The following GNA14 variants were observed in gnomAD, a reference collection of about 807,000 sequenced individuals.
The protein encoded by GNA14 is G protein subunit alpha 14, also known as guanine nucleotide-binding protein subunit alpha-14.
In GNA14, 50 loss-of-function variants were observed where a neutral mutation model predicts 42.0. The observed-to-expected ratio is 1.19, with a 90% CI of 0.95 to 1.51. The LOEUF is 1.51. Among genes scored for constraint, GNA14 ranks in the 40% most tolerant of loss-of-function variants. The pLI is 0.00. For missense variants in GNA14, 473 were observed against 446.2 expected (o/e 1.06, Z -0.54); for synonymous variants, 173 against 163.1 (o/e 1.06, Z -0.46).
At chr9:77,437,125 T>C (rs761419846) in intron 2 of GNA14, among the ~76,000 whole-genome samples, 69 of 152,214 alleles carry the variant, frequency 4.5e-4, no homozygotes, top group Non-Finnish European at 7.8e-4. Context: ...ACGGCTGAGC[T>C]TTAGTGCTGC....
At chr9:77,638,316 T>A (rs546943071) in intron 1 of GNA14, among the ~76,000 whole-genome samples, 4 of 152,266 alleles carry the variant, frequency 2.6e-5, no homozygotes, top group Admixed American at 2.0e-4. Flanking sequence ...CAAATAAGAA[T>A]ATCAGGTCAA....
intron 2 of GNA14, among the ~76,000 whole-genome samples, chr9:77,450,380 A>G (rs1235630054): frequency 1.3e-5 from 2 of 152,096 alleles, no homozygotes; most frequent in East Asian, 1.9e-4. Flanking sequence ...ATCTTCATCC[A>G]TCTCCCTCTG....
intron 4 of GNA14, among the ~76,000 whole-genome samples, chr9:77,429,728 G>T (rs1020013195): frequency 2.6e-5 from 4 of 152,228 alleles, no homozygotes; most frequent in Admixed American, 2.0e-4. Flanking sequence ...CTACAGGGAA[G>T]CCTGCCGCGT....
intron 1 of GNA14, among the ~76,000 whole-genome samples, chr9:77,628,588 T>A (rs1466366632): frequency 6.6e-6 from 1 of 151,870 alleles, no homozygotes; most frequent in Non-Finnish European, 1.5e-5. Context: ...ACACTACACA[T>A]CTAGAGCCAT....
chr9:77,512,382 TTA>T (rs1397855331), intron 2 of GNA14, among the ~76,000 whole-genome samples: 2 of 152,182 alleles, frequency 1.3e-5, no homozygotes, highest in Non-Finnish European at 2.9e-5. Flanking sequence ...TTTGGGTTTT[TTA>T]TGTTTAATGT....
intron 1 of GNA14, among the ~76,000 whole-genome samples, chr9:77,642,119 C>A (rs1191558189): frequency 6.6e-6 from 1 of 152,224 alleles, no homozygotes; most frequent in African/African-American, 2.4e-5. Context: ...TGTGATCATA[C>A]ATTTGTCAAA....
chr9:77,608,587 C>G (rs1466950031), intron 1 of GNA14, among the ~76,000 whole-genome samples: 1 of 152,124 alleles, frequency 6.6e-6, no homozygotes, highest in Non-Finnish European at 1.5e-5. Flanking sequence ...CAGCCCTGCC[C>G]CCTTGACCTG....
At chr9:77,531,580 C>T (rs1047813488) in intron 1 of GNA14, among the ~76,000 whole-genome samples, 1 of 152,100 alleles carries the variant, frequency 6.6e-6, no homozygotes, top group African/African-American at 2.4e-5. Flanking sequence ...TTACCCCAAG[C>T]GAACATTAAT....
At chr9:77,481,983 TG>T (rs1400181831) in intron 2 of GNA14, among the ~76,000 whole-genome samples, 3 of 152,348 alleles carry the variant, frequency 2.0e-5, no homozygotes, top group Middle Eastern at 3.4e-3. Flanking sequence ...AGCACACTGA[TG>T]GGTCTTGACT....
intron 1 of GNA14, among the ~76,000 whole-genome samples, chr9:77,598,049 A>G (rs992151800): frequency 6.6e-6 from 1 of 152,176 alleles, no homozygotes; most frequent in African/African-American, 2.4e-5. Flanking sequence ...AAAAACAACA[A>G]CAGAAAAAGC....
chr9:77,433,870 A>G (rs1251765675), intron 3 of GNA14, among the ~76,000 whole-genome samples: 1 of 152,184 alleles, frequency 6.6e-6, no homozygotes, highest in African/African-American at 2.4e-5. Flanking sequence ...CCACTAGAGG[A>G]CAGCACCAGA....
chr9:77,635,494 A>G (rs2118017822), intron 1 of GNA14, among the ~76,000 whole-genome samples: 1 of 152,296 alleles, frequency 6.6e-6, no homozygotes, highest in South Asian at 2.1e-4. Flanking sequence ...ATCAAATACT[A>G]TGTCAATAAC....
At position 77,648,038 on chromosome 9, in the gene GNA14, G is replaced by C; in HGVS notation, c.-245C>G. The C allele has an allele frequency of 1.9e-6, 1 of 520,484 alleles. No individual in the cohort carries two copies. The highest frequency in any genetic ancestry group is 3.4e-6 in the Non-Finnish European group (1 of 298,494). 32.2% of individuals were successfully genotyped at this position (520,484 alleles called of 1,614,324 possible). ...CGAGTGCACCCCGGATCCGGGCTCA[G>C]CCCGCCCCACTCTCGCTCTGGGGAG... On this transcript the variant is annotated 5_prime_UTR_variant, in exon 1 of 7. Coordinates refer to ENST00000341700, the MANE Select transcript of GNA14 (RefSeq NM_004297.4).
At chr9:77,491,437 C>T (rs973292468) in intron 2 of GNA14, among the ~76,000 whole-genome samples, 1 of 152,064 alleles carries the variant, frequency 6.6e-6, no homozygotes, top group African/African-American at 2.4e-5. Flanking sequence ...TATAAAGACA[C>T]ACAGAGATGG....
intron 2 of GNA14, among the ~76,000 whole-genome samples, chr9:77,503,034 C>G (rs896653114): frequency 2.0e-5 from 3 of 152,144 alleles, no homozygotes; most frequent in Non-Finnish European, 4.4e-5. Flanking sequence ...AACTCAACAC[C>G]GTGTCCTTCC....
chr9:77,574,983 G>A (rs1587835213), intron 1 of GNA14, among the ~76,000 whole-genome samples: 1 of 152,212 alleles, frequency 6.6e-6, no homozygotes, highest in African/African-American at 2.4e-5. Flanking sequence ...TCAGCCAGAT[G>A]TCTACCCTGT....
At chr9:77,564,755 C>T (rs1382216396) in intron 1 of GNA14, among the ~76,000 whole-genome samples, 1 of 151,980 alleles carries the variant, frequency 6.6e-6, no homozygotes, top group Non-Finnish European at 1.5e-5. Context: ...ATCGCTTGAA[C>T]CCAAGAGGCA....
intron 2 of GNA14, among the ~76,000 whole-genome samples, chr9:77,476,052 G>C (rs1164356413): frequency 2.0e-5 from 3 of 152,168 alleles, no homozygotes; most frequent in African/African-American, 7.2e-5. Context: ...AATGCAAAAA[G>C]AGATGCTCTG....
intron 1 of GNA14, among the ~76,000 whole-genome samples, chr9:77,642,834 C>T (rs1303449266): frequency 6.6e-6 from 1 of 152,064 alleles, no homozygotes; most frequent in African/African-American, 2.4e-5. Context: ...CCAAGGGATC[C>T]TTCATATGAT....
Sources: gnomAD v4.1 joint callset for allele counts (sites outside exome capture counted in the v4.1 genomes callset) on GRCh38, gnomAD v4.1.1 for gene constraint, MANE v1.5 for transcripts, NCBI Gene and HGNC (gene_info 2026-07-23, HGNC 2026-07-21) for gene names.